Variants in RALY observed in about 807,000 individuals in gnomAD.
RALY encodes the protein RNA-binding protein Raly.
In RALY, 15 loss-of-function variants were observed where a neutral mutation model predicts 30.7. That is an observed-to-expected ratio of 0.49 (90% CI 0.33 to 0.75). The LOEUF (loss-of-function observed/expected upper bound fraction) is 0.75. Among genes scored for constraint, RALY ranks in the 30% least tolerant of loss-of-function variants. RALY has a pLI of 0.02. For synonymous variants in RALY, 177 were observed against 170.8 expected, an observed-to-expected ratio of 1.04 and a Z score of -0.28; for missense variants, 339 against 414.3, an observed-to-expected ratio of 0.82 and a Z score of 1.58.
At chr20:34,026,065 A>G (rs1195656054) in intron 1 of RALY, among the ~76,000 whole-genome samples, 1 of 152,026 alleles carries the variant, frequency 6.6e-6, no homozygotes, top group Non-Finnish European at 1.5e-5. Flanking sequence ...TAATGCTGGT[A>G]GAGGAGGAAG....
At chr20:34,046,261 T>C (rs1390743582) in intron 2 of RALY, among the ~76,000 whole-genome samples, 1 of 152,156 alleles carries the variant, frequency 6.6e-6, no homozygotes, top group Non-Finnish European at 1.5e-5. Flanking sequence ...AAAGAAGCAA[T>C]GTGGAAAGAG....
intron 2 of RALY, among the ~76,000 whole-genome samples, chr20:34,068,744 C>A (rs1197098828): frequency 6.6e-6 from 1 of 152,168 alleles, no homozygotes; most frequent in Non-Finnish European, 1.5e-5. Context: ...CCTGGCAGTT[C>A]AGGGAGACCT....
chr20:34,054,950 C>T (rs2033196353), intron 2 of RALY, among the ~76,000 whole-genome samples: 1 of 152,152 alleles, frequency 6.6e-6, no homozygotes, highest in Non-Finnish European at 1.5e-5. Flanking sequence ...AATAGTAATA[C>T]CATTTTCATT....
At chr20:34,043,531 G>A (rs2032772746) in intron 2 of RALY, among the ~76,000 whole-genome samples, 1 of 152,106 alleles carries the variant, frequency 6.6e-6, no homozygotes, top group South Asian at 2.1e-4. Flanking sequence ...TCTTATTCCT[G>A]TGACTTCCTT....
rs1379915868 is a variant in RALY, at chr20:34,020,069, A to G, written c.-92-11453A>G. Among the ~76,000 whole-genome samples, 5 of 152,242 alleles carry G rather than the reference A, an allele frequency of 3.3e-5. No homozygotes were observed. In the East Asian group the frequency reaches 7.7e-4, roughly 24 times the overall value. On this transcript the variant is annotated intron_variant, in intron 1 of 9. Transcript: ENST00000246194. ...GAGCAAGACTCTGTCTCAAAAAAAA[A>G]GGAAGCTTGAGTGCCCACTGTGTAC...
rs2033750310 is a variant in RALY, at chr20:34,072,337, C to G, written c.256+7C>G. On this transcript the variant is annotated splice_region_variant and intron_variant, in intron 3 of 9. Transcript: ENST00000246194. ...CTGGCCGGGCAGACCCTGGGTAAGC[C>G]TCTCTTCACTATATTCTCCTAGTAT... 6.2e-7 allele frequency: 1 copy of G among 1,609,098 alleles called. No individual in the cohort carries two copies. The highest frequency in any genetic ancestry group is 8.5e-7 in the Non-Finnish European group (1 of 1,179,236).
intron 1 of RALY, among the ~76,000 whole-genome samples, chr20:34,021,748 A>T (rs993745043): frequency 6.6e-6 from 1 of 152,148 alleles, no homozygotes; most frequent in African/African-American, 2.4e-5. Context: ...CTTAACTCAG[A>T]AGTTCGGGTG....
At chr20:34,001,749 T>C (rs2030924861) in intron 1 of RALY, among the ~76,000 whole-genome samples, 1 of 152,160 alleles carries the variant, frequency 6.6e-6, no homozygotes, top group South Asian at 2.1e-4. Context: ...ATGACCACAC[T>C]ATACTGAGAA....
chr20:34,044,323 GTTAC>G (rs1318804129), intron 2 of RALY, among the ~76,000 whole-genome samples: 3 of 151,250 alleles, frequency 2.0e-5, no homozygotes, highest in Admixed American at 2.0e-4. Context: ...TGGTATGTGC[GTTAC>G]TTTTTTTTTT....
intron 1 of RALY, among the ~76,000 whole-genome samples, chr20:33,997,616 C>T (rs528167687): frequency 1.3e-5 from 2 of 152,002 alleles, no homozygotes; most frequent in South Asian, 2.1e-4. Flanking sequence ...CCCCCTTTTT[C>T]CATAGAGGCA....
intron 9 of RALY, among the ~76,000 whole-genome samples, chr20:34,078,909 G>A (rs145634280): frequency 5.0e-4 from 76 of 152,306 alleles, no homozygotes; most frequent in African/African-American, 1.7e-3. Flanking sequence ...ACAATAGAGC[G>A]AGGCCAGGTC....
At chr20:33,996,761 T>A (rs750547770) in intron 1 of RALY, among the ~76,000 whole-genome samples, 12 of 152,154 alleles carry the variant, frequency 7.9e-5, no homozygotes, top group Non-Finnish European at 1.2e-4. Flanking sequence ...CAACTGAAAT[T>A]CTGTACCCAT....
chr20:34,083,582 T>G lies in RALY; in HGVS notation c.*3677T>G, dbSNP rs1188689217. On this transcript the variant is annotated 3_prime_UTR_variant, in exon 10 of 10. Transcript: ENST00000246194. ...CATTTCACTTGCCAACTCAGAACTT[T>G]TAGTAGCAGCTGCCTGGAGTGCCTT... 1 of 152,220 alleles carries G rather than the reference T, an allele frequency of 6.6e-6. No individual in the cohort carries two copies. 9.4% of individuals were successfully genotyped at this position (152,220 alleles called of 1,614,324 possible).
At chr20:34,003,278 A>C (rs1283817324) in intron 1 of RALY, among the ~76,000 whole-genome samples, 1 of 152,040 alleles carries the variant, frequency 6.6e-6, no homozygotes, top group African/African-American at 2.4e-5. Context: ...TGGGGTTAAC[A>C]CTCCATATCT....
intron 2 of RALY, among the ~76,000 whole-genome samples, chr20:34,054,476 C>T (rs1028258448): frequency 6.6e-6 from 1 of 152,128 alleles, no homozygotes; most frequent in East Asian, 1.9e-4. Context: ...AGGGACGTCA[C>T]ATCAGTGGGT....
chr20:33,995,651 G>A (rs1177226722), intron 1 of RALY, among the ~76,000 whole-genome samples: 1 of 152,138 alleles, frequency 6.6e-6, no homozygotes, highest in Non-Finnish European at 1.5e-5. Context: ...TGTGGTGCCT[G>A]GCCAGGATTC....
chr20:34,051,294 C>T (rs2033069589), intron 2 of RALY, among the ~76,000 whole-genome samples: 1 of 152,152 alleles, frequency 6.6e-6, no homozygotes, highest in Non-Finnish European at 1.5e-5. Context: ...GTCATGGTGG[C>T]AGAGCCCAAA....
chr20:34,054,549 G>A (rs1404147303), intron 2 of RALY, among the ~76,000 whole-genome samples: 1 of 152,176 alleles, frequency 6.6e-6, no homozygotes, highest in Non-Finnish European at 1.5e-5. Context: ...TTGCAGGCTG[G>A]GCATGGTGGC....
At chr20:34,023,252 A>C (rs1203008612) in intron 1 of RALY, among the ~76,000 whole-genome samples, 1 of 152,206 alleles carries the variant, frequency 6.6e-6, no homozygotes, top group Non-Finnish European at 1.5e-5. Context: ...TAAGTTTTAG[A>C]GAGTATCATT....
Sources: gnomAD v4.1 joint callset for allele counts (sites outside exome capture counted in the v4.1 genomes callset) on GRCh38, gnomAD v4.1.1 for gene constraint, MANE v1.5 for transcripts, NCBI Gene and HGNC (gene_info 2026-07-23, HGNC 2026-07-21) for gene names.